Variants in GRK4 observed in about 807,000 individuals in gnomAD.
GRK4 encodes G protein-coupled receptor kinase 2-like.
Under a neutral mutation model 77.9 loss-of-function variants are expected in GRK4, and 73 were observed. The ratio of observed to expected loss-of-function variants is 0.94; its 90% confidence interval spans 0.78 to 1.14. GRK4 has a LOEUF of 1.14. Among genes scored for constraint, GRK4 ranks in the 50% most tolerant of loss-of-function variants. GRK4 has a pLI of 0.00. For missense variants in GRK4, 729 were observed against 700.2 expected, an observed-to-expected ratio of 1.04 and a Z score of -0.46; for synonymous variants, 257 against 254.4, an observed-to-expected ratio of 1.01 and a Z score of -0.10.
At chr4:3,018,037 A>G (rs375084221) in intron 8 of GRK4, among the ~76,000 whole-genome samples, 5 of 152,094 alleles carry the variant, frequency 3.3e-5, no homozygotes, top group African/African-American at 1.2e-4. Flanking sequence ...AAAGGTTAAA[A>G]AAAAGCCCTC....
At position 3,021,416 on chromosome 4, in the gene GRK4, C is replaced by T. The variant is rs57750261; in HGVS notation, c.933-998C>T. 4.9e-3 allele frequency among the ~76,000 whole-genome samples: 744 copies of T among 152,300 alleles called. 5 individuals carry two copies. The highest frequency in any genetic ancestry group is 0.017 in the African/African-American group (713 of 41,562). ...TGTCTGCTCAGATGGTCACGTCAGACGATGAGCTTCTTGGGAGTCCTTGAT... is the reference window on the plus strand; with the variant it reads ...TGTCTGCTCAGATGGTCACGTCAGATGATGAGCTTCTTGGGAGTCCTTGAT... On this transcript the variant is annotated intron_variant, in intron 9 of 15. Transcript: ENST00000398052.
chr4:2,975,540 C>T (rs900013295), intron 1 of GRK4, among the ~76,000 whole-genome samples: 2 of 152,134 alleles, frequency 1.3e-5, no homozygotes, highest in Non-Finnish European at 2.9e-5. Context: ...GGGGAACATT[C>T]CTTGATTAGC....
chr4:2,965,405 C>A (rs764770859), intron 1 of GRK4: 2 of 703,080 alleles, frequency 2.8e-6, no homozygotes, highest in South Asian at 3.0e-5. Flanking sequence ...GTGCTAGCCA[C>A]GGTAGTTCTT....
Position 2,989,448 on chromosome 4 carries a change from C to G in GRK4, c.261+609C>G, listed in dbSNP as rs115870583. On this transcript the variant is annotated intron_variant, in intron 3 of 15. Coordinates refer to ENST00000398052, the MANE Select transcript of GRK4 (RefSeq NM_182982.3). ...TATTTTTTTGAAATGGAGTCTCTCT[C>G]TGTCTCCCAGGCTGGACTGCAGTGG... is the stretch of plus-strand genomic sequence containing the variant. 9.6e-3 allele frequency among the ~76,000 whole-genome samples: 1,466 copies of G among 152,244 alleles called. 25 individuals carry two copies. Among genetic ancestry groups the G allele is most frequent in the African/African-American group, 0.033 (1,372 of 41,540 alleles).
rs557562739 is a variant in GRK4 at position 3,003,228 on chromosome 4, C to T, written c.340-1003C>T. On this transcript the variant is annotated intron_variant, in intron 4 of 15. Transcript: ENST00000398052. ...TTTTTGAGATGGAGTTTCGCTCTGT[C>T]GTCCAGGCTGGAGGGCAGTGGCACA... Among the ~76,000 whole-genome samples, 46 of 152,240 alleles carry T rather than the reference C, an allele frequency of 3.0e-4. 1 individual carries two copies. In the Middle Eastern group the frequency reaches 0.01, roughly 34 times the overall value.
intron 6 of GRK4, 65 bp from the exon 7 acceptor site, chr4:3,009,583 A>G: frequency 7.9e-7 from 1 of 1,262,776 alleles, no homozygotes; most frequent in East Asian, 2.3e-5. Context: ...AGCGCTGAGT[A>G]AACTTTTCTT....
Position 3,013,676 on chromosome 4 carries a change from T to G in GRK4, c.601-12T>G, listed in dbSNP as rs1258210602. 6.3e-7 allele frequency: 1 copy of G among 1,594,386 alleles called. No homozygotes were observed. Among genetic ancestry groups the G allele is most frequent in the Non-Finnish European group, 8.5e-7 (1 of 1,174,400 alleles). ...TGGACATAAACCTCCTTTATTTTGC[T>G]GTTTAAACTAGGTTTGCGCCTGTCA... is the stretch of plus-strand genomic sequence containing the variant. On this transcript the variant is annotated splice_polypyrimidine_tract_variant and intron_variant, in intron 7 of 15. Coordinates refer to ENST00000398052, the MANE Select transcript of GRK4 (RefSeq NM_182982.3).
chr4:2,972,221 A>C (rs1719769923), intron 1 of GRK4, among the ~76,000 whole-genome samples: 1 of 152,184 alleles, frequency 6.6e-6, no homozygotes, highest in South Asian at 2.1e-4. Context: ...TATGCTGCCC[A>C]GACTTTAGTG....
At chr4:2,988,079 A>AAAAAAAAAAAAAAAAAAAAAG (rs1724949502) in intron 2 of GRK4, among the ~76,000 whole-genome samples, 1 of 144,926 alleles carries the variant, frequency 6.9e-6, no homozygotes, top group Non-Finnish European at 1.5e-5. Flanking sequence ...CTGTCTCAAA[A>AAAAAAAAAAAAAAAAAAAAAG]AAAAAAAAAA....
Position 2,988,769 on chromosome 4 carries a change from G to A in GRK4, c.191G>A (p.Arg64Lys). ...SSLCDKQPIG[R>K]RLFRQFCDTK... Reference sequence around the variant, plus strand: ...CTTTGTGACAAGCAACCGATAGGAAGACGTCTCTTCAGGCAGTTCTGTGAT... The same window carrying A: ...CTTTGTGACAAGCAACCGATAGGAAAACGTCTCTTCAGGCAGTTCTGTGAT... Residue 64 changes from arginine to lysine, a missense_variant, in exon 3 of 16, where the codon AGA becomes AAA. Transcript: ENST00000398052. 1.2e-6 allele frequency: 2 copies of A among 1,613,364 alleles called. No individual in the cohort carries two copies. Among genetic ancestry groups the A allele is most frequent in the Non-Finnish European group, 1.7e-6 (2 of 1,179,396 alleles).
intron 7 of GRK4, 46 bp downstream of exon 7, chr4:3,009,757 G>C: frequency 7.0e-7 from 1 of 1,435,920 alleles, no homozygotes; most frequent in Non-Finnish European, 9.8e-7. Flanking sequence ...AGCTGGGTGG[G>C]GAGCAAGGTC....
chr4:3,000,044 T>C (rs1729073651), intron 4 of GRK4, among the ~76,000 whole-genome samples: 1 of 152,224 alleles, frequency 6.6e-6, no homozygotes, highest in Non-Finnish European at 1.5e-5. Flanking sequence ...CCAGTGGTCT[T>C]TCCTATTAGA....
chr4:3,014,021 T>C (rs896470707), intron 8 of GRK4, among the ~76,000 whole-genome samples, 193 bp downstream of exon 8: 5 of 152,212 alleles, frequency 3.3e-5, no homozygotes, highest in Non-Finnish European at 7.4e-5. Flanking sequence ...ATTCAAACCT[T>C]AGAAAACATA....
chr4:3,011,937 G>A (rs748005052), intron 7 of GRK4, among the ~76,000 whole-genome samples: 31 of 152,200 alleles, frequency 2.0e-4, no homozygotes, highest in Non-Finnish European at 1.9e-4. Context: ...TACTTCAGAC[G>A]TGGGCAGACC....
At chr4:3,015,459 G>T (rs1191274211) in intron 8 of GRK4, among the ~76,000 whole-genome samples, 1 of 152,042 alleles carries the variant, frequency 6.6e-6, no homozygotes, top group Non-Finnish European at 1.5e-5. Context: ...GCCGAGGCAG[G>T]CGTCAGGAGA....
At position 3,004,264 on chromosome 4, in the gene GRK4, G is replaced by T; in HGVS notation, c.373G>T (p.Val125Phe). The T allele has an allele frequency of 1.9e-6, 3 of 1,613,872 alleles. No homozygotes were observed. The highest frequency in any genetic ancestry group is 2.5e-6 in the Non-Finnish European group (3 of 1,179,766). The part of the protein sequence containing the change: ...AAPLPEIPPD[V>F]VTECRLGLKE... The stretch of plus-strand genomic sequence containing the variant: ...CCCTTTACCAGAAATACCTCCAGAT[G>T]TTGTGACAGAATGTAGATTGGGACT... Residue 125 changes from valine to phenylalanine, a missense_variant, in exon 5 of 16, where the codon GTT (valine) becomes TTT (phenylalanine). By Grantham distance (50) the Val-to-Phe change is conservative. Transcript: ENST00000398052.
In GRK4 at chr4:2,964,028, T is replaced by C; in HGVS notation, c.-43T>C. The C allele has an allele frequency of 6.3e-7, 1 of 1,588,292 alleles. No individual in the cohort carries two copies. Among genetic ancestry groups the C allele is most frequent in the Non-Finnish European group, 8.6e-7 (1 of 1,165,204 alleles). Reference sequence around the variant, plus strand: ...CTCCTCCTGTTCCGCCTCCTCAGTCTCCTCGGTCTCGCAGAATCCGCCGGC... The same window carrying C: ...CTCCTCCTGTTCCGCCTCCTCAGTCCCCTCGGTCTCGCAGAATCCGCCGGC... On this transcript the variant is annotated 5_prime_UTR_variant, in exon 1 of 16. Transcript: ENST00000398052.
Position 3,016,514 on chromosome 4 carries a change from A to G in GRK4, c.741+2686A>G, listed in dbSNP as rs1560464047. 4.4e-5 allele frequency among the ~76,000 whole-genome samples: 6 copies of G among 135,928 alleles called. No homozygotes were observed. In the South Asian group the frequency reaches 1.3e-3, roughly 30 times the overall value. 89.2% of individuals were successfully genotyped at this position (135,928 alleles called of 152,430 possible). On this transcript the variant is annotated intron_variant, in intron 8 of 15. Transcript: ENST00000398052. Reference sequence around the variant, plus strand: ...GCCTGTGTACTCCAGCCTGGGTGACAGAGTGAGACTCAATCTCCAAAAAAA... The same window carrying G: ...GCCTGTGTACTCCAGCCTGGGTGACGGAGTGAGACTCAATCTCCAAAAAAA...
intron 13 of GRK4, among the ~76,000 whole-genome samples, chr4:3,036,243 T>G (rs1370299893): frequency 6.6e-6 from 1 of 152,238 alleles, no homozygotes; most frequent in Admixed American, 6.5e-5. Context: ...CATGAGGTCC[T>G]GGGACTGTGG....
Sources: gnomAD v4.1 joint callset for allele counts (sites outside exome capture counted in the v4.1 genomes callset) on GRCh38, gnomAD v4.1.1 for gene constraint, MANE v1.5 for transcripts, NCBI Gene and HGNC (gene_info 2026-07-23, HGNC 2026-07-21) for gene names.